LRRC4C: variants seen among roughly 807,000 people sequenced by gnomAD.
LRRC4C encodes the protein leucine rich repeat containing 4C.
A neutral mutation model predicts 33.6 loss-of-function variants in LRRC4C; 5 were observed. The ratio of observed to expected loss-of-function variants is 0.15; its 90% CI spans 0.08 to 0.31. The LOEUF (loss-of-function observed/expected upper bound fraction) is 0.31, where lower values mean the gene tolerates loss of function less well. Among genes scored for constraint, LRRC4C ranks in the 10% least tolerant of loss-of-function variants. LRRC4C has a pLI of 1.00. For missense variants in LRRC4C, 560 were observed against 796.7 expected (o/e 0.70, Z 3.58); for synonymous variants, 329 against 302.0 (o/e 1.09, Z -0.93).
intron 1 of LRRC4C, among the ~76,000 whole-genome samples, chr11:41,011,110 A>C (rs1855146666): frequency 6.6e-6 from 1 of 152,168 alleles, no homozygotes; most frequent in African/African-American, 2.4e-5. Context: ...CCTATTCCAT[A>C]GATATCCAAC....
chr11:40,532,691 C>T (rs1175988856), intron 3 of LRRC4C, among the ~76,000 whole-genome samples: 1 of 141,770 alleles, frequency 7.1e-6, no homozygotes, highest in Non-Finnish European at 1.5e-5. Flanking sequence ...AGAAAAACAA[C>T]ATAGAAGTGG....
At chr11:40,776,436 A>G (rs1949999335) in intron 2 of LRRC4C, among the ~76,000 whole-genome samples, 1 of 151,680 alleles carries the variant, frequency 6.6e-6, no homozygotes, top group Non-Finnish European at 1.5e-5. Flanking sequence ...CAGGGTTTCA[A>G]TTTCTTCCTG....
chr11:40,281,626 T>C (rs1943480717), intron 4 of LRRC4C, among the ~76,000 whole-genome samples: 1 of 152,154 alleles, frequency 6.6e-6, no homozygotes, highest in Non-Finnish European at 1.5e-5. Context: ...ATCAAACCAT[T>C]AGTTGAAAGA....
intron 3 of LRRC4C, among the ~76,000 whole-genome samples, chr11:40,335,712 C>G (rs1288595381): frequency 6.6e-6 from 1 of 152,172 alleles, no homozygotes; most frequent in Non-Finnish European, 1.5e-5. Context: ...TATAAGGGTG[C>G]CTATCTCGAA....
At chr11:41,442,940 T>C (rs547209836) in intron 1 of LRRC4C, among the ~76,000 whole-genome samples, 3 of 152,276 alleles carry the variant, frequency 2.0e-5, no homozygotes, top group South Asian at 4.1e-4. Context: ...TTTTGAGGCA[T>C]GTATGATTCT....
intron 1 of LRRC4C, among the ~76,000 whole-genome samples, chr11:41,348,142 C>T (rs1279134833): frequency 6.6e-6 from 1 of 152,150 alleles, no homozygotes; most frequent in Non-Finnish European, 1.5e-5. Context: ...TACTTCCTAC[C>T]TAAGCTATTG....
At chr11:41,124,419 G>A (rs979938138) in intron 1 of LRRC4C, among the ~76,000 whole-genome samples, 3 of 152,150 alleles carry the variant, frequency 2.0e-5, no homozygotes, top group Admixed American at 6.5e-5. Flanking sequence ...TGTTATGAAT[G>A]TTCCATTCAG....
chr11:40,712,871 C>CCTTTCTTT (rs566440037), intron 2 of LRRC4C, among the ~76,000 whole-genome samples: 9 of 150,700 alleles, frequency 6.0e-5, no homozygotes, highest in African/African-American at 2.2e-4. Flanking sequence ...CATATAAGTT[C>CCTTTCTTT]CTTTCTTTCT....
chr11:40,173,074 A>G (rs1346012610), intron 5 of LRRC4C, among the ~76,000 whole-genome samples: 1 of 152,180 alleles, frequency 6.6e-6, no homozygotes, highest in African/African-American at 2.4e-5. Context: ...ATCAAATGCC[A>G]GAAGCTAGAA....
At position 40,614,622 on chromosome 11, in the gene LRRC4C, C is replaced by T. The variant is rs978414252; in HGVS notation, c.-270+33520G>A. 2.8e-4 allele frequency among the ~76,000 whole-genome samples: 42 copies of T among 151,678 alleles called. 1 individual carries two copies. The highest frequency in any genetic ancestry group is 5.5e-4 in the Non-Finnish European group (37 of 67,764). ...TTGGCACAAGAGGCTTGGCTTTTGG[C>T]CTAATTCAGCTTTTGACTTGCCTTC... On this transcript the variant is annotated intron_variant, in intron 3 of 6. Coordinates refer to ENST00000528697, the MANE Select transcript of LRRC4C (RefSeq NM_001258419.2).
intron 1 of LRRC4C, among the ~76,000 whole-genome samples, chr11:41,177,969 C>T (rs577321835): frequency 3.9e-5 from 6 of 152,134 alleles, no homozygotes; most frequent in Non-Finnish European, 7.4e-5. Context: ...TACCTCAACT[C>T]GGAAAAAAGC....
intron 3 of LRRC4C, among the ~76,000 whole-genome samples, chr11:40,369,130 TACAGTGGACACAGTCAC>T (rs1042381134): frequency 1.3e-5 from 2 of 150,094 alleles, no homozygotes; most frequent in African/African-American, 4.9e-5. Flanking sequence ...GATCTAGGTA[TACAGTGGACACAGTCAC>T]AGAGAGGACA....
chr11:41,456,141 T>G (rs1174125189), intron 1 of LRRC4C, among the ~76,000 whole-genome samples: 1 of 122,384 alleles, frequency 8.2e-6, no homozygotes, highest in Non-Finnish European at 2.0e-5. Context: ...AGAGTGTATC[T>G]TCTTCTTCCA....
intron 2 of LRRC4C, among the ~76,000 whole-genome samples, chr11:40,709,772 C>A (rs1030934249): frequency 6.6e-6 from 1 of 152,168 alleles, no homozygotes; most frequent in Non-Finnish European, 1.5e-5. Context: ...GGATAATATC[C>A]TGAAGAGTGT....
intron 1 of LRRC4C, among the ~76,000 whole-genome samples, chr11:41,442,204 T>C (rs1366665184): frequency 6.6e-6 from 1 of 152,030 alleles, no homozygotes; most frequent in East Asian, 1.9e-4. Flanking sequence ...TCATATTTCC[T>C]TAGGATAAAT....
At chr11:41,321,131 C>T (rs1950946491) in intron 1 of LRRC4C, among the ~76,000 whole-genome samples, 1 of 152,152 alleles carries the variant, frequency 6.6e-6, no homozygotes, top group Admixed American at 6.5e-5. Context: ...AATAATTTTT[C>T]CATCTTAAGG....
At chr11:40,495,921 C>T (rs759587768) in intron 3 of LRRC4C, among the ~76,000 whole-genome samples, 16 of 147,378 alleles carry the variant, frequency 1.1e-4, no homozygotes, top group Non-Finnish European at 1.8e-4. Context: ...CCTCCGCCCC[C>T]GGGGTTCAAG....
chr11:41,182,145 C>G (rs1945480310), intron 1 of LRRC4C, among the ~76,000 whole-genome samples: 1 of 152,084 alleles, frequency 6.6e-6, no homozygotes. Flanking sequence ...TACTCATAGA[C>G]CAGGGAGATG....
At chr11:40,499,784 T>A (rs1023559743) in intron 3 of LRRC4C, among the ~76,000 whole-genome samples, 1 of 152,104 alleles carries the variant, frequency 6.6e-6, no homozygotes, top group Admixed American at 6.6e-5. Flanking sequence ...AAATGAGTAG[T>A]TACATCAAGA....
Sources: gnomAD v4.1 joint callset for allele counts (sites outside exome capture counted in the v4.1 genomes callset) on GRCh38, gnomAD v4.1.1 for gene constraint, MANE v1.5 for transcripts, NCBI Gene and HGNC (gene_info 2026-07-23, HGNC 2026-07-21) for gene names.